Variants in CLASP1 observed in about 807,000 individuals in gnomAD.
CLASP1 encodes CLIP-associating protein 1.
Under a neutral mutation model 192.3 loss-of-function variants are expected in CLASP1, and 38 were observed. The observed-to-expected ratio is 0.20, with a 90% confidence interval of 0.15 to 0.26. The LOEUF (loss-of-function observed/expected upper bound fraction) is 0.26, where lower values mean the gene tolerates loss of function less well. CLASP1 is among the 10% of genes least tolerant of loss of function. The pLI is 1.00. For missense variants in CLASP1, 1,433 were observed against 1,932.5 expected, an observed-to-expected ratio of 0.74 and a Z score of 4.85; for synonymous variants, 691 against 712.8, an observed-to-expected ratio of 0.97 and a Z score of 0.49.
At chr2:121,357,550 A>T (rs2065644923) in intron 37 of CLASP1, among the ~76,000 whole-genome samples, 1 of 152,166 alleles carries the variant, frequency 6.6e-6, no homozygotes, top group South Asian at 2.1e-4. Context: ...AGGTTTTGAC[A>T]TTAAGTTATG....
intron 2 of CLASP1, among the ~76,000 whole-genome samples, chr2:121,559,002 A>T (rs1180493404): frequency 6.6e-6 from 1 of 152,222 alleles, no homozygotes; most frequent in Non-Finnish European, 1.5e-5. Flanking sequence ...GACCCCGGTT[A>T]ACTGCACAGA....
chr2:121,475,758 T>A (rs1468020298), intron 8 of CLASP1, among the ~76,000 whole-genome samples: 5 of 152,224 alleles, frequency 3.3e-5, no homozygotes, highest in African/African-American at 1.2e-4. Context: ...ACACATAAAA[T>A]CGTCTTAAGG....
chr2:121,578,860 A>G (rs2060834740), intron 2 of CLASP1, among the ~76,000 whole-genome samples: 1 of 152,232 alleles, frequency 6.6e-6, no homozygotes. Context: ...CACACAAAAA[A>G]AAACTTCACT....
At chr2:121,450,926 T>A (rs774699558) in exon 16 of CLASP1, 1 of 1,609,304 alleles carries the variant, frequency 6.2e-7, no homozygotes, top group Non-Finnish European at 8.5e-7. Context: ...CTGGCTTCTA[T>A]TCTTGCTTCG....
chr2:121,354,140 C>T (rs1378225973), intron 37 of CLASP1, among the ~76,000 whole-genome samples: 2 of 152,132 alleles, frequency 1.3e-5, no homozygotes, highest in African/African-American at 4.8e-5. Context: ...GCCACATTGA[C>T]TTGGATTTAC....
intron 17 of CLASP1, 138 bp from the exon 18 acceptor site, chr2:121,448,463 T>C (rs2084795173): frequency 1.3e-6 from 1 of 742,520 alleles, no homozygotes; most frequent in Non-Finnish European, 2.3e-6. Flanking sequence ...AACCACAATG[T>C]TGTAAACTCC....
chr2:121,569,265 GTT>G (rs2059777640), intron 2 of CLASP1, among the ~76,000 whole-genome samples: 1 of 152,298 alleles, frequency 6.6e-6, no homozygotes, highest in East Asian at 1.9e-4. Context: ...TAAACAGTGA[GTT>G]TAAGCTGAGA....
At chr2:121,564,367 T>C (rs1442299449) in intron 2 of CLASP1, among the ~76,000 whole-genome samples, 2 of 152,230 alleles carry the variant, frequency 1.3e-5, no homozygotes, top group Non-Finnish European at 2.9e-5. Flanking sequence ...CAATCTCATA[T>C]CATGACTAAA....
At chr2:121,459,471 A>C (rs555339474) in intron 12 of CLASP1, among the ~76,000 whole-genome samples, 1 of 152,172 alleles carries the variant, frequency 6.6e-6, no homozygotes, top group Non-Finnish European at 1.5e-5. Context: ...CCAAAACTTA[A>C]AACAGCTGCA....
At chr2:121,348,469 C>A in intron 38 of CLASP1, 43 bp downstream of exon 39, 1 of 1,541,492 alleles carries the variant, frequency 6.5e-7, no homozygotes. Flanking sequence ...GTTAGGCAAC[C>A]CCACACAGGC....
At chr2:121,603,944 G>A (rs1471658278) in intron 2 of CLASP1, among the ~76,000 whole-genome samples, 4 of 152,184 alleles carry the variant, frequency 2.6e-5, no homozygotes, top group African/African-American at 9.6e-5. Context: ...TATAGGAAGA[G>A]ATTTGTTAAA....
intron 37 of CLASP1, among the ~76,000 whole-genome samples, chr2:121,359,899 T>C (rs2066046392): frequency 6.6e-6 from 1 of 152,254 alleles, no homozygotes; most frequent in African/African-American, 2.4e-5. Flanking sequence ...ACATTTTCAA[T>C]GTGTAAGAAA....
intron 8 of CLASP1, among the ~76,000 whole-genome samples, chr2:121,478,889 A>AC (rs1559368998): frequency 8.8e-5 from 1 of 11,308 alleles, no homozygotes; most frequent in African/African-American, 2.3e-4. Context: ...CACACACACC[A>AC]CACACACACA....
intron 2 of CLASP1, among the ~76,000 whole-genome samples, chr2:121,543,062 A>G (rs2095265053): frequency 6.6e-6 from 1 of 152,250 alleles, no homozygotes; most frequent in African/African-American, 2.4e-5. Flanking sequence ...GCAAATGCAG[A>G]ACAGGACTTT....
At chr2:121,363,402 C>T in intron 36 of CLASP1, 102 bp from the exon 38 acceptor site, 1 of 1,414,706 alleles carries the variant, frequency 7.1e-7, no homozygotes, top group Non-Finnish European at 9.7e-7. Context: ...GTTCTGGGTT[C>T]CCTGGAACCT....
intron 39 of CLASP1, among the ~76,000 whole-genome samples, chr2:121,343,952 T>C (rs1008561601): frequency 6.6e-6 from 1 of 151,974 alleles, no homozygotes; most frequent in Non-Finnish European, 1.5e-5. Context: ...GCGCCTATAA[T>C]CCCAGCTACT....
intron 19 of CLASP1, among the ~76,000 whole-genome samples, chr2:121,442,894 C>A (rs565108963): frequency 0.051 from 7,806 of 152,086 alleles, 662 homozygotes; most frequent in African/African-American, 0.18. Context: ...ATAATGGTTC[C>A]AAAAATGCAG....
intron 37 of CLASP1, among the ~76,000 whole-genome samples, chr2:121,351,338 T>C (rs1457281519): frequency 6.6e-6 from 1 of 152,244 alleles, no homozygotes; most frequent in Non-Finnish European, 1.5e-5. Context: ...TGGCACCATA[T>C]GTAGACGGCT....
In CLASP1 at chr2:121,537,405, A is replaced by AAGAGAG. The variant is rs530114114; in HGVS notation, c.196-7086_196-7081dup. Among the ~76,000 whole-genome samples the AAGAGAG allele has an allele frequency of 1.9e-4, 29 of 151,204 alleles. No individual in the cohort carries two copies. In the South Asian group the frequency reaches 5.7e-3, roughly 30 times the overall value. On this transcript the variant is annotated intron_variant, in intron 2 of 39. Transcript: ENST00000263710. ...AGATCCTGTGTCCAAGAAAAAAAAA[A>AAGAGAG]AGAGAGAGAGAGAGAGAGAAGCAAT...
Sources: allele counts gnomAD v4.1 joint callset (sites outside exome capture counted in the v4.1 genomes callset), GRCh38; gene constraint gnomAD v4.1.1; transcripts MANE v1.5; gene names NCBI Gene and HGNC (gene_info 2026-07-23, HGNC 2026-07-21).